The following CSMD3 variants were observed in gnomAD, a reference collection of about 807,000 sequenced individuals.
CSMD3 encodes the protein CUB and sushi domain-containing protein 3.
A neutral mutation model predicts 435.2 loss-of-function variants in CSMD3; 177 were observed. The ratio of observed to expected loss-of-function variants is 0.41; its 90% CI spans 0.36 to 0.46. The LOEUF (loss-of-function observed/expected upper bound fraction) is 0.46, where lower values mean the gene tolerates loss of function less well. Among genes scored for constraint, CSMD3 ranks in the 20% least tolerant of loss-of-function variants. CSMD3 has a pLI of 0.34. For synonymous variants in CSMD3, 1,656 were observed against 1,520.5 expected, an observed-to-expected ratio of 1.09 and a Z score of -2.07; for missense variants, 4,265 against 4,504.6, an observed-to-expected ratio of 0.95 and a Z score of 1.52.
At chr8:112,769,381 G>A (rs541345141) in intron 13 of CSMD3, among the ~76,000 whole-genome samples, 8 of 151,880 alleles carry the variant, frequency 5.3e-5, no homozygotes, top group Non-Finnish European at 5.9e-5. Context: ...GTCTACCACC[G>A]TCCCTTCCAG....
chr8:113,410,900 T>TGAAAGAAGAAA (rs1306552752), intron 1 of CSMD3, among the ~76,000 whole-genome samples: 10 of 105,396 alleles, frequency 9.5e-5, no homozygotes, highest in African/African-American at 2.9e-4. Flanking sequence ...CAAAACCCTG[T>TGAAAGAAGAAA]GAAAGAAAGA....
intron 45 of CSMD3, among the ~76,000 whole-genome samples, chr8:112,325,692 T>C (rs1483680296): frequency 6.6e-6 from 1 of 151,974 alleles, no homozygotes; most frequent in Non-Finnish European, 1.5e-5. Context: ...TATGAATGAG[T>C]ATATACGTAT....
intron 28 of CSMD3, among the ~76,000 whole-genome samples, chr8:112,511,408 G>A (rs1375472985): frequency 1.2e-5 from 1 of 85,098 alleles, no homozygotes; most frequent in African/African-American, 4.3e-5. Context: ...TTTTTTTTTT[G>A]AGATGGAGTC....
intron 22 of CSMD3, among the ~76,000 whole-genome samples, chr8:112,590,669 A>G (rs1831108305): frequency 6.6e-6 from 1 of 151,986 alleles, no homozygotes; most frequent in Non-Finnish European, 1.5e-5. Flanking sequence ...TAAGGCTTGG[A>G]ATGTTGGTTG....
intron 4 of CSMD3, among the ~76,000 whole-genome samples, chr8:113,105,530 T>G (rs1338393888): frequency 6.6e-6 from 1 of 152,154 alleles, no homozygotes; most frequent in African/African-American, 2.4e-5. Context: ...TGCAATTGGA[T>G]GAAATTTCAT....
At chr8:112,323,176 C>CAAA (rs1554642273) in intron 45 of CSMD3, among the ~76,000 whole-genome samples, 2 of 151,168 alleles carry the variant, frequency 1.3e-5, no homozygotes, top group East Asian at 1.9e-4. Context: ...AACAAACAAA[C>CAAA]CTCTTTTCAT....
At chr8:113,436,548 G>T in intron 1 of CSMD3, 129 bp downstream of exon 1, 1 of 876,528 alleles carries the variant, frequency 1.1e-6, no homozygotes, top group Non-Finnish European at 1.9e-6. Context: ...AACGAGCTGT[G>T]AATCAACTCC....
intron 41 of CSMD3, among the ~76,000 whole-genome samples, chr8:112,343,172 T>G (rs1825342309): frequency 6.6e-6 from 1 of 151,494 alleles, no homozygotes; most frequent in South Asian, 2.1e-4. Flanking sequence ...TTTAATAAAG[T>G]TGGTTTTCAA....
At chr8:112,383,877 A>G (rs1829703466) in intron 36 of CSMD3, among the ~76,000 whole-genome samples, 1 of 152,190 alleles carries the variant, frequency 6.6e-6, no homozygotes, top group African/African-American at 2.4e-5. Context: ...AGCACCGACC[A>G]ATGTTCATTG....
At chr8:113,301,449 T>C (rs2093766680) in intron 2 of CSMD3, among the ~76,000 whole-genome samples, 1 of 152,062 alleles carries the variant, frequency 6.6e-6, no homozygotes, top group Admixed American at 6.6e-5. Flanking sequence ...TAATCACATC[T>C]CACTCAGATA....
intron 59 of CSMD3, 60 bp downstream of exon 59, chr8:112,281,108 AATACTT>A: frequency 8.2e-7 from 1 of 1,223,648 alleles, no homozygotes; most frequent in Non-Finnish European, 1.2e-6. Flanking sequence ...AACACACAAA[AATACTT>A]ATATACTCAT....
chr8:112,592,062 G>A (rs1425725498), intron 22 of CSMD3, among the ~76,000 whole-genome samples: 1 of 151,944 alleles, frequency 6.6e-6, no homozygotes, highest in Non-Finnish European at 1.5e-5. Context: ...GGTAAAATGT[G>A]TTAATAAGAT....
At chr8:113,356,818 A>C (rs1337792548) in intron 1 of CSMD3, among the ~76,000 whole-genome samples, 1 of 152,154 alleles carries the variant, frequency 6.6e-6, no homozygotes, top group Non-Finnish European at 1.5e-5. Context: ...TACCTAAATG[A>C]TGCAGTTACA....
rs539346270 is a variant in CSMD3 at position 112,804,170 on chromosome 8, T to G, written c.1860-3896A>C. Among the ~76,000 whole-genome samples the G allele has an allele frequency of 2.0e-5, 3 of 152,156 alleles. No individual in the cohort carries two copies. The South Asian group carries it at 6.2e-4, about 31-fold the overall frequency. On this transcript the variant is annotated intron_variant, in intron 12 of 70. Coordinates refer to ENST00000297405, the MANE Select transcript of CSMD3 (RefSeq NM_198123.2). ...GAGGCTTTCTCAGAATCTACCGGTA[T>G]GGATCCAAGGGTAGTTCAAAATTTT...
rs184514197 is a variant in CSMD3, at chr8:112,983,395, T to C, written c.1031-7247A>G. Among the ~76,000 whole-genome samples, 3 of 151,740 alleles carry C rather than the reference T, an allele frequency of 2.0e-5. No individual in the cohort carries two copies. The East Asian group carries it at 5.8e-4, about 29-fold the overall frequency. ...CCTAAAATATACATAAGCCTGCTTT[T>C]ATGTATGTGATATGATTTAATGGAA... On this transcript the variant is annotated intron_variant, in intron 6 of 70. Coordinates refer to ENST00000297405, the MANE Select transcript of CSMD3 (RefSeq NM_198123.2).
chr8:113,247,044 T>G (rs1328957746), intron 3 of CSMD3, among the ~76,000 whole-genome samples: 1 of 152,180 alleles, frequency 6.6e-6, no homozygotes, highest in Non-Finnish European at 1.5e-5. Flanking sequence ...ATGTACACAC[T>G]TTGCACATGT....
At chr8:112,548,605 A>T (rs899471311) in intron 27 of CSMD3, among the ~76,000 whole-genome samples, 3 of 152,134 alleles carry the variant, frequency 2.0e-5, no homozygotes, top group African/African-American at 7.2e-5. Flanking sequence ...CATATCTTAT[A>T]TGGCTTTTGT....
At chr8:112,753,674 T>C (rs1356429514) in intron 13 of CSMD3, among the ~76,000 whole-genome samples, 1 of 152,216 alleles carries the variant, frequency 6.6e-6, no homozygotes, top group Non-Finnish European at 1.5e-5. Context: ...AGGAAATCTA[T>C]ATAGAGTGTG....
At chr8:112,229,052 G>T (rs1397244071) in intron 69 of CSMD3, among the ~76,000 whole-genome samples, 161 bp from the exon 70 acceptor site, 1 of 152,138 alleles carries the variant, frequency 6.6e-6, no homozygotes, top group East Asian at 1.9e-4. Flanking sequence ...TTTCACATAT[G>T]TTTGCACAGT....
Sources: allele counts gnomAD v4.1 joint callset (sites outside exome capture counted in the v4.1 genomes callset), GRCh38; gene constraint gnomAD v4.1.1; transcripts MANE v1.5; gene names NCBI Gene and HGNC (gene_info 2026-07-23, HGNC 2026-07-21).